The following USP32 variants were observed in gnomAD, a reference collection of about 807,000 sequenced individuals.
USP32 encodes ubiquitin carboxyl-terminal hydrolase 32.
USP32 carries 59 observed loss-of-function variants against 204.8 expected under a neutral mutation model. The observed-to-expected ratio is 0.29, with a 90% CI of 0.23 to 0.36. The LOEUF (loss-of-function observed/expected upper bound fraction) is 0.36, where lower values mean the gene tolerates loss of function less well. Among genes scored for constraint, USP32 ranks in the 10% least tolerant of loss-of-function variants. The probability of loss-of-function intolerance (pLI) is 1.00; values close to 1 mark genes in which losing one functional copy is unlikely to be tolerated. For missense variants in USP32, 1,160 were observed against 1,946.4 expected (o/e 0.60, Z 7.60); for synonymous variants, 517 against 678.4 (o/e 0.76, Z 3.70).
intron 29 of USP32, among the ~76,000 whole-genome samples, chr17:60,186,349 G>A (rs1462817964): frequency 1.3e-5 from 2 of 152,218 alleles, no homozygotes; most frequent in African/African-American, 2.4e-5. Flanking sequence ...TTAGTATGCT[G>A]CAGACTTTAC....
At chr17:60,194,009 G>A (rs2084450527) in intron 27 of USP32, among the ~76,000 whole-genome samples, 1 of 151,974 alleles carries the variant, frequency 6.6e-6, no homozygotes, top group Admixed American at 6.6e-5. Flanking sequence ...AATGAAGCCT[G>A]GCTTTCTTGA....
At chr17:60,395,969 A>G (rs550634278), upstream of USP32, among the ~76,000 whole-genome samples, 10 of 151,844 alleles carry the variant, frequency 6.6e-5, no homozygotes, top group East Asian at 1.9e-3. Context: ...ACATTAAGAG[A>G]ATTGATTTTT....
At chr17:60,249,668 C>T (rs1394973170) in intron 11 of USP32, 3 of 688,386 alleles carry the variant, frequency 4.4e-6, no homozygotes, top group Non-Finnish European at 2.6e-6. Flanking sequence ...AATTACCACA[C>T]ACTTCCATTG....
chr17:60,320,154 G>A (rs1270696400), intron 2 of USP32, among the ~76,000 whole-genome samples: 3 of 152,086 alleles, frequency 2.0e-5, no homozygotes, highest in African/African-American at 7.2e-5. Context: ...TAGGTTCTTG[G>A]AAACTGCAAC....
intron 1 of USP32, among the ~76,000 whole-genome samples, chr17:60,412,673 G>A (rs1340322157): frequency 6.6e-6 from 1 of 152,124 alleles, no homozygotes; most frequent in Non-Finnish European, 1.5e-5. Flanking sequence ...TGAAGGGAGG[G>A]AGTGGGGTAC....
chr17:60,288,725 G>A (rs1402227613), intron 4 of USP32, 43 bp from the exon 5 acceptor site: 4 of 1,553,594 alleles, frequency 2.6e-6, no homozygotes, highest in Non-Finnish European at 3.5e-6. Flanking sequence ...CAAATTTTAA[G>A]GTATCTTACT....
At chr17:60,310,760 G>A (rs1453217581) in intron 2 of USP32, among the ~76,000 whole-genome samples, 1 of 152,126 alleles carries the variant, frequency 6.6e-6, no homozygotes, top group Non-Finnish European at 1.5e-5. Context: ...AGCAGGCCAG[G>A]TGTGGTGGTT....
chr17:60,366,331 G>C (rs1414991168), intron 1 of USP32, among the ~76,000 whole-genome samples: 1 of 151,928 alleles, frequency 6.6e-6, no homozygotes, highest in Admixed American at 6.6e-5. Flanking sequence ...GCTAATTTTT[G>C]TATTTTCAGT....
intron 1 of USP32, among the ~76,000 whole-genome samples, chr17:60,379,293 A>C (rs113764494): frequency 6.6e-6 from 1 of 152,232 alleles, no homozygotes; most frequent in Non-Finnish European, 1.5e-5. Context: ...AACTAGTAGG[A>C]GATAACTGTG....
chr17:60,303,274 A>G (rs1412810986), intron 2 of USP32, among the ~76,000 whole-genome samples: 1 of 152,160 alleles, frequency 6.6e-6, no homozygotes, highest in African/African-American at 2.4e-5. Flanking sequence ...AACAAAAACA[A>G]AAACACCTTT....
chr17:60,229,461 T>C (rs1362890194), intron 12 of USP32, among the ~76,000 whole-genome samples: 1 of 152,270 alleles, frequency 6.6e-6, no homozygotes, highest in Non-Finnish European at 1.5e-5. Context: ...GTGCTCCAGA[T>C]GTTAAGAGCT....
intron 1 of USP32, among the ~76,000 whole-genome samples, chr17:60,370,067 CAG>C (rs951744998): frequency 5.3e-5 from 8 of 150,216 alleles, no homozygotes; most frequent in African/African-American, 1.7e-4. Context: ...TTTTTTGAGA[CAG>C]AGTTTCACTC....
At chr17:60,304,823 A>G (rs2087682879) in intron 2 of USP32, 1 of 152,208 alleles carries the variant, frequency 6.6e-6, no homozygotes, top group Admixed American at 6.5e-5. Flanking sequence ...TGACCTCATT[A>G]ATAAACTCTT....
At chr17:60,338,908 GTTTC>G (rs1016983447) in intron 2 of USP32, among the ~76,000 whole-genome samples, 8 of 152,158 alleles carry the variant, frequency 5.3e-5, no homozygotes, top group African/African-American at 1.7e-4. Context: ...TATTTTCTTT[GTTTC>G]TTTCTTTCTT....
At chr17:60,394,901 GC>G (rs2089889851), upstream of USP32, among the ~76,000 whole-genome samples, 1 of 151,888 alleles carries the variant, frequency 6.6e-6, no homozygotes, top group Admixed American at 6.6e-5. Flanking sequence ...ACACCATCCC[GC>G]CCGGCTAATT....
chr17:60,201,353 C>T (rs1034893844), intron 26 of USP32, among the ~76,000 whole-genome samples: 1 of 152,126 alleles, frequency 6.6e-6, no homozygotes, highest in African/African-American at 2.4e-5. Flanking sequence ...GATAATGGTG[C>T]TACGAATATT....
At chr17:60,373,937 C>T (rs1410779662) in intron 1 of USP32, among the ~76,000 whole-genome samples, 2 of 151,996 alleles carry the variant, frequency 1.3e-5, no homozygotes, top group Admixed American at 1.3e-4. Context: ...TGAAGACATA[C>T]ACTTTGGGAG....
chr17:60,252,961 C>A lies in USP32; in HGVS notation c.1075-519G>T, dbSNP rs1385929841. Among the ~76,000 whole-genome samples the A allele has an allele frequency of 4.6e-5, 7 of 152,052 alleles. No individual in the cohort carries two copies. In the East Asian group the frequency reaches 1.3e-3, roughly 29 times the overall value. ...ATATTAATTGTACATATGAGCATAA[C>A]CAAATATGTGACAAAGCACATACAG... On this transcript the variant is annotated intron_variant, in intron 10 of 33. Coordinates refer to ENST00000300896, the MANE Select transcript of USP32 (RefSeq NM_032582.4).
chr17:60,321,512 A>G (rs1276561452), intron 2 of USP32, among the ~76,000 whole-genome samples: 1 of 152,216 alleles, frequency 6.6e-6, no homozygotes, highest in Non-Finnish European at 1.5e-5. Context: ...GGAAATTATC[A>G]TCTCAATTAG....
Sources: allele counts gnomAD v4.1 joint callset (sites outside exome capture counted in the v4.1 genomes callset), GRCh38; gene constraint gnomAD v4.1.1; transcripts MANE v1.5; gene names NCBI Gene and HGNC (gene_info 2026-07-23, HGNC 2026-07-21).